The following N4BP2L2 variants were observed in gnomAD, a reference collection of about 807,000 sequenced individuals.
The protein encoded by N4BP2L2 is NEDD4 binding protein 2 like 2.
Under a neutral mutation model 56.2 loss-of-function variants are expected in N4BP2L2, and 50 were observed. That is an observed-to-expected ratio of 0.89 (90% confidence interval 0.71 to 1.13). The LOEUF (loss-of-function observed/expected upper bound fraction) is 1.13. Ranked by LOEUF, N4BP2L2 falls within the 50% of genes most tolerant of loss-of-function variation. The pLI is 0.00. For synonymous variants in N4BP2L2, 203 were observed against 223.6 expected, an observed-to-expected ratio of 0.91 and a Z score of 0.82; for missense variants, 689 against 693.8, an observed-to-expected ratio of 0.99 and a Z score of 0.08.
At chr13:32,535,121 C>A (rs1022591444) in intron 2 of N4BP2L2, among the ~76,000 whole-genome samples, 7 of 152,202 alleles carry the variant, frequency 4.6e-5, no homozygotes, top group Non-Finnish European at 8.8e-5. Context: ...CTTGGGTCAT[C>A]TCATTTGATT....
At chr13:32,463,413 C>T (rs1489455112) in intron 6 of N4BP2L2, among the ~76,000 whole-genome samples, 1 of 152,060 alleles carries the variant, frequency 6.6e-6, no homozygotes, top group Non-Finnish European at 1.5e-5. Flanking sequence ...GCTATAATCC[C>T]AGCACTTTGG....
chr13:32,536,598 G>A, exon 2 of N4BP2L2: 1 of 1,613,800 alleles, frequency 6.2e-7, no homozygotes, highest in Non-Finnish European at 8.5e-7. Context: ...TTTAGAACAT[G>A]TGCCTCATTC....
Position 32,536,390 on chromosome 13 carries a change from CCATT to C in N4BP2L2, c.634_637del (p.Asn212ValfsTer3). 6.2e-7 allele frequency: 1 copy of C among 1,614,030 alleles called. No individual in the cohort carries two copies. The highest frequency in any genetic ancestry group is 8.5e-7 in the Non-Finnish European group (1 of 1,179,988). On this transcript the variant is annotated frameshift_variant, in exon 2 of 6. Transcript: ENST00000267068. LOFTEE classifies it high-confidence loss of function. ...CTTTTCTTCATCAGGTTTTAAGAGA[CCATT>C]ATTATGACCCTCATAAAATGGAACA...
chr13:32,457,739 A>G (rs1023963876), intron 6 of N4BP2L2, among the ~76,000 whole-genome samples: 2 of 152,246 alleles, frequency 1.3e-5, no homozygotes, highest in African/African-American at 4.8e-5. Context: ...AGTCCTATAC[A>G]TGGAAGTGAA....
At chr13:32,507,077 A>G (rs1311897189), downstream of N4BP2L2, 1 of 152,196 alleles carries the variant, frequency 6.6e-6, no homozygotes, top group Admixed American at 6.5e-5. Context: ...AACAGATTCA[A>G]GAGATATTCA....
chr13:32,525,488 T>C (rs563302592), intron 3 of N4BP2L2: 2 of 152,212 alleles, frequency 1.3e-5, no homozygotes, highest in Non-Finnish European at 2.9e-5. Context: ...TTCTACAAAG[T>C]TTTTTTAAAA....
chr13:32,452,496 T>G (rs888792526), intron 6 of N4BP2L2, among the ~76,000 whole-genome samples: 1 of 152,220 alleles, frequency 6.6e-6, no homozygotes, highest in Non-Finnish European at 1.5e-5. Context: ...CCTTCAGTAA[T>G]GTGTAAAATA....
chr13:32,443,412 TA>T lies in N4BP2L2; in HGVS notation c.1079del (p.Leu360TyrfsTer47), dbSNP rs1198170483. The T allele has an allele frequency of 6.2e-7, 1 of 1,614,056 alleles. No homozygotes were observed. ...AGGGCTGTCTGTCAGAGCCCAGCTGTAAATCTTCATCAGATAAATTGGTTGT... is the reference window on the plus strand; with the variant it reads ...AGGGCTGTCTGTCAGAGCCCAGCTGTAATCTTCATCAGATAAATTGGTTGT... On this transcript the variant is annotated frameshift_variant, in exon 7 of 10. Coordinates refer to the N4BP2L2 transcript ENST00000357505. LOFTEE classifies it high-confidence loss of function.
intron 6 of N4BP2L2, among the ~76,000 whole-genome samples, chr13:32,454,240 T>C (rs951320483): frequency 9.2e-5 from 14 of 152,210 alleles, no homozygotes; most frequent in African/African-American, 1.7e-4. Context: ...AGATGGAGCA[T>C]TTTTGTTGAT....
At chr13:32,528,987 T>C (rs1231849406) in intron 2 of N4BP2L2, among the ~76,000 whole-genome samples, 1 of 152,226 alleles carries the variant, frequency 6.6e-6, no homozygotes, top group East Asian at 1.9e-4. Flanking sequence ...CCATACACTT[T>C]AACTCATCTC....
chr13:32,479,520 A>G (rs1161237089), intron 6 of N4BP2L2, among the ~76,000 whole-genome samples: 1 of 151,586 alleles, frequency 6.6e-6, no homozygotes, highest in Non-Finnish European at 1.5e-5. Context: ...TGACCTCGTG[A>G]TCCGCCTGCC....
intron 6 of N4BP2L2, among the ~76,000 whole-genome samples, chr13:32,452,296 G>A (rs2078222827): frequency 6.6e-6 from 1 of 152,012 alleles, no homozygotes; most frequent in African/African-American, 2.4e-5. Flanking sequence ...CCCGACCTCA[G>A]GTGATCCGCC....
chr13:32,463,925 A>AAAAAAAG (rs1240408769), intron 6 of N4BP2L2, among the ~76,000 whole-genome samples: 1 of 146,824 alleles, frequency 6.8e-6, no homozygotes, highest in African/African-American at 2.6e-5. Flanking sequence ...GACCAAAAAA[A>AAAAAAAG]AAAAAAAAAA....
At chr13:32,528,640 G>A (rs1444222637) in intron 2 of N4BP2L2, among the ~76,000 whole-genome samples, 1 of 152,118 alleles carries the variant, frequency 6.6e-6, no homozygotes, top group Non-Finnish European at 1.5e-5. Context: ...GTATTTTGTT[G>A]TTTCTCTCCT....
chr13:32,470,263 G>A (rs2082055267), intron 6 of N4BP2L2, among the ~76,000 whole-genome samples: 1 of 152,130 alleles, frequency 6.6e-6, no homozygotes, highest in South Asian at 2.1e-4. Flanking sequence ...TCATGGGAGG[G>A]CGACAATGGA....
chr13:32,502,275 C>T (rs746041094), intron 6 of N4BP2L2, among the ~76,000 whole-genome samples: 1 of 151,928 alleles, frequency 6.6e-6, no homozygotes, highest in East Asian at 1.9e-4. Flanking sequence ...CGGGGTTTCA[C>T]GATGTTGGCC....
chr13:32,449,374 C>G (rs748165084), intron 6 of N4BP2L2, among the ~76,000 whole-genome samples: 3 of 152,138 alleles, frequency 2.0e-5, no homozygotes, highest in Non-Finnish European at 2.9e-5. Flanking sequence ...ACTCATATTG[C>G]TTTGAATATT....
chr13:32,481,175 G>A (rs1313879029), intron 6 of N4BP2L2, among the ~76,000 whole-genome samples: 1 of 129,674 alleles, frequency 7.7e-6, no homozygotes, highest in Non-Finnish European at 1.6e-5. Context: ...ATTGTGTTCT[G>A]CCTTTAAAAG....
intron 6 of N4BP2L2, among the ~76,000 whole-genome samples, chr13:32,494,722 C>T (rs185964004): frequency 1.8e-4 from 28 of 152,222 alleles, no homozygotes; most frequent in African/African-American, 1.4e-4. Flanking sequence ...GCCAAGATCG[C>T]GCCACTGCAC....
Sources: gnomAD v4.1 joint callset for allele counts (sites outside exome capture counted in the v4.1 genomes callset) on GRCh38, gnomAD v4.1.1 for gene constraint, MANE v1.5 for transcripts, NCBI Gene and HGNC (gene_info 2026-07-23, HGNC 2026-07-21) for gene names.